Variants in TXLNB observed in about 807,000 individuals in gnomAD.
TXLNB encodes the protein beta-taxilin.
Under a neutral mutation model 57.4 loss-of-function variants are expected in TXLNB, and 37 were observed. That is an observed-to-expected ratio of 0.64 (90% confidence interval 0.50 to 0.85). TXLNB has a LOEUF of 0.85. Ranked by LOEUF, TXLNB falls within the 40% of genes least tolerant of loss-of-function variation. The pLI is 0.00. For missense variants in TXLNB, 848 were observed against 825.6 expected (o/e 1.03, Z -0.33); for synonymous variants, 302 against 309.6 (o/e 0.98, Z 0.26).
the TXLNB span, among the ~76,000 whole-genome samples, chr6:139,164,191 G>C: frequency 6.6e-6 from 1 of 151,842 alleles, no homozygotes; most frequent in South Asian, 2.1e-4. Context: ...TTCCAGTCCC[G>C]TGCCCCACGC....
the TXLNB span, among the ~76,000 whole-genome samples, chr6:139,233,025 T>C: frequency 2.0e-5 from 3 of 152,294 alleles, no homozygotes; most frequent in Admixed American, 6.5e-5. Context: ...ATAGTCATGT[T>C]TATTCTATAA....
At chr6:139,213,843 T>C in the TXLNB span, among the ~76,000 whole-genome samples, 6 of 152,198 alleles carry the variant, frequency 3.9e-5, no homozygotes, top group Non-Finnish European at 7.4e-5. Context: ...GAGAATACTA[T>C]AAACACCTCT....
Position 139,270,456 on chromosome 6 carries a change from C to A in TXLNB, c.687G>T (p.Lys229Asn), listed in dbSNP as rs368235285. The change falls in exon 4 of 10, where the codon AAG becomes AAT. Residue 229 changes from lysine (K) to asparagine (N), a missense_variant and splice_region_variant. Lys to Asn is a moderately conservative substitution (Grantham distance 94). Coordinates refer to ENST00000358430, the MANE Select transcript of TXLNB (RefSeq NM_153235.4). ...RELQRHNKTLKEEALQRAREE... is the reference protein window; with the variant it reads ...RELQRHNKTLNEEALQRAREE... ...GTTATTCTGAGGCATGGGGACATAC[C>A]TTCAGAGTCTTGTTGTGTCTCTGCA... is the stretch of plus-strand genomic sequence containing the variant. 2.1e-5 allele frequency: 34 copies of A among 1,613,280 alleles called. No homozygotes were observed. The highest frequency in any genetic ancestry group is 2.8e-5 in the Non-Finnish European group (33 of 1,179,786).
the TXLNB span, among the ~76,000 whole-genome samples, chr6:139,193,125 G>T: frequency 1.3e-5 from 2 of 151,426 alleles, no homozygotes; most frequent in South Asian, 4.2e-4. Context: ...GACTCCATGT[G>T]TTGCAGGTTT....
chr6:139,262,864 G>C (rs1356784116), intron 4 of TXLNB, 91 bp from the exon 5 acceptor site: 2 of 1,294,124 alleles, frequency 1.5e-6, no homozygotes, highest in African/African-American at 3.0e-5. Flanking sequence ...AGTGTGCAGA[G>C]TAGGTGGGAT....
At chr6:139,266,798 C>G (rs1180318887) in intron 4 of TXLNB, among the ~76,000 whole-genome samples, 1 of 151,746 alleles carries the variant, frequency 6.6e-6, no homozygotes, top group Non-Finnish European at 1.5e-5. Context: ...CCACTCCTGG[C>G]CTTAAAGCAG....
At chr6:139,206,804 G>T in the TXLNB span, among the ~76,000 whole-genome samples, 1 of 151,978 alleles carries the variant, frequency 6.6e-6, no homozygotes, top group Admixed American at 6.6e-5. Context: ...GGTGGAAAAA[G>T]ATATTCCACA....
chr6:139,197,158 CT>C, the TXLNB span, among the ~76,000 whole-genome samples: 1 of 152,198 alleles, frequency 6.6e-6, no homozygotes, highest in Non-Finnish European at 1.5e-5. Flanking sequence ...ATCACACACT[CT>C]TATAGAGTTT....
At chr6:139,218,750 T>TAAAAAAA in the TXLNB span, among the ~76,000 whole-genome samples, 1 of 148,232 alleles carries the variant, frequency 6.7e-6, no homozygotes, top group African/African-American at 2.5e-5. Flanking sequence ...AAACTCTGTC[T>TAAAAAAA]AAAAAAAAAA....
At chr6:139,320,880 C>T in the TXLNB span, among the ~76,000 whole-genome samples, 3 of 152,204 alleles carry the variant, frequency 2.0e-5, no homozygotes, top group African/African-American at 7.2e-5. Context: ...CTTTCTCCTT[C>T]TTCTTACCTG....
the TXLNB span, among the ~76,000 whole-genome samples, chr6:139,300,081 G>A: frequency 5.6e-3 from 851 of 151,990 alleles, 4 homozygotes; most frequent in African/African-American, 0.019. Flanking sequence ...TCTCCCTTAC[G>A]TGAGTGTCAT....
In TXLNB at chr6:139,288,923, A is replaced by G; in HGVS notation, c.-14-10T>C. On this transcript the variant is annotated splice_polypyrimidine_tract_variant and intron_variant, in intron 1 of 9. Coordinates refer to ENST00000358430, the MANE Select transcript of TXLNB (RefSeq NM_153235.4). ...ATCTTGGGAGTAGTATCTAGTGGTA[A>G]GCACAGTTAGGCTTTATGTAGCTAA... 6.3e-7 allele frequency: 1 copy of G among 1,598,588 alleles called. No individual in the cohort carries two copies. Among genetic ancestry groups the G allele is most frequent in the East Asian group, 2.2e-5 (1 of 44,626 alleles).
At chr6:139,172,809 G>T in the TXLNB span, among the ~76,000 whole-genome samples, 1 of 152,210 alleles carries the variant, frequency 6.6e-6, no homozygotes, top group Non-Finnish European at 1.5e-5. Flanking sequence ...CCTACTCTCA[G>T]AAGTGGGAGC....
chr6:139,176,886 G>A, the TXLNB span: 1 of 825,098 alleles, frequency 1.2e-6, no homozygotes, highest in South Asian at 1.4e-5. This position sits in a 1 kb window ranked among gnomAD's most constrained non-coding sequence, Gnocchi z 4.5. Flanking sequence ...GGATGACTTT[G>A]ACAAGTGTTG....
the TXLNB span, among the ~76,000 whole-genome samples, chr6:139,205,910 A>G: frequency 6.6e-6 from 1 of 152,240 alleles, no homozygotes; most frequent in Non-Finnish European, 1.5e-5. Flanking sequence ...GAAAGAATCT[A>G]AAGAGCTATG....
intron 1 of TXLNB, among the ~76,000 whole-genome samples, chr6:139,291,452 C>T (rs1750767903): frequency 6.6e-6 from 1 of 152,128 alleles, no homozygotes; most frequent in African/African-American, 2.4e-5. Context: ...TCATGAGATG[C>T]CACAATCATT....
intron 4 of TXLNB, among the ~76,000 whole-genome samples, chr6:139,266,072 GT>G (rs1442241144): frequency 6.6e-6 from 1 of 152,184 alleles, no homozygotes; most frequent in Non-Finnish European, 1.5e-5. Flanking sequence ...AAGAGACAAA[GT>G]TTATGGTTTG....
chr6:139,304,430 C>T, the TXLNB span, among the ~76,000 whole-genome samples: 3 of 152,078 alleles, frequency 2.0e-5, no homozygotes, highest in Admixed American at 1.3e-4. Context: ...GCACAGATGT[C>T]TTTAGAGATA....
chr6:139,233,806 C>T, the TXLNB span, among the ~76,000 whole-genome samples: 87 of 152,228 alleles, frequency 5.7e-4, no homozygotes, highest in African/African-American at 2.0e-3. Flanking sequence ...TAGTGGGGTG[C>T]TGCTATAAGG....
Sources: gnomAD v4.1 joint callset for allele counts (sites outside exome capture counted in the v4.1 genomes callset) on GRCh38, gnomAD v4.1.1 for gene constraint, Gnocchi (gnomAD v3.1) non-coding constraint, MANE v1.5 for transcripts, NCBI Gene and HGNC (gene_info 2026-07-23, HGNC 2026-07-21) for gene names.